DIP2C: variants seen among roughly 807,000 people sequenced by gnomAD.
DIP2C encodes the protein DIP2 acetate--CoA ligase C (putative).
DIP2C carries 33 observed loss-of-function variants against 192.4 expected under a neutral mutation model. That is an observed-to-expected ratio of 0.17 (90% confidence interval 0.13 to 0.23). The LOEUF is 0.23. Among genes scored for constraint, DIP2C ranks in the 10% least tolerant of loss-of-function variants. The pLI is 1.00. For synonymous variants in DIP2C, 979 were observed against 864.1 expected (o/e 1.13, Z -2.33); for missense variants, 1,537 against 2,110.1 (o/e 0.73, Z 5.32).
chr10:533,531 G>T (rs889954349), intron 1 of DIP2C, among the ~76,000 whole-genome samples: 1 of 151,840 alleles, frequency 6.6e-6, no homozygotes. Context: ...GTGCCAGTGT[G>T]TTCAGGAGTG....
chr10:464,264 T>G (rs547289450), intron 3 of DIP2C, among the ~76,000 whole-genome samples: 1 of 151,962 alleles, frequency 6.6e-6, no homozygotes, highest in African/African-American at 2.4e-5. Flanking sequence ...AGGGCTAATA[T>G]CCAGCATCTA....
chr10:666,234 G>C lies in DIP2C; in HGVS notation c.85+23260C>G, dbSNP rs904512993. 6.6e-6 allele frequency: 1 copy of C among 152,196 alleles called. No individual in the cohort carries two copies. The highest frequency in any genetic ancestry group is 1.5e-5 in the Non-Finnish European group (1 of 68,050). 9.4% of individuals were successfully genotyped at this position (152,196 alleles called of 1,614,324 possible). Reference sequence around the variant, plus strand: ...TTCCTTCAGCACCTACCGGGAAAGCGAGAAGAAAGCAAAGGGCATCACTCC... The same window carrying C: ...TTCCTTCAGCACCTACCGGGAAAGCCAGAAGAAAGCAAAGGGCATCACTCC... On this transcript the variant is annotated intron_variant, in intron 1 of 36. Transcript: ENST00000280886. This position sits in a 1 kb window ranked among gnomAD's most constrained non-coding sequence, Gnocchi z 4.1.
chr10:312,832 T>C (rs1956621338), intron 31 of DIP2C, among the ~76,000 whole-genome samples: 1 of 152,230 alleles, frequency 6.6e-6, no homozygotes, highest in African/African-American at 2.4e-5. Context: ...ATAATTTCTT[T>C]CCTTCATGAT....
intron 29 of DIP2C, among the ~76,000 whole-genome samples, chr10:332,525 T>A (rs1354701990): frequency 1.3e-5 from 2 of 152,190 alleles, no homozygotes; most frequent in African/African-American, 2.4e-5. Flanking sequence ...TTAATTGCTG[T>A]ATTAGCCAAA....
At position 408,142 on chromosome 10, in the gene DIP2C, C is replaced by T. The variant is rs1007668606; in HGVS notation, c.1149+784G>A. ...TTGCATATGATGTTAGGTAAACATC[C>T]GCCTTCATTCTCTTGCAGGTGGATG... On this transcript the variant is annotated intron_variant, in intron 9 of 36. Coordinates refer to ENST00000280886, the MANE Select transcript of DIP2C (RefSeq NM_014974.3). Among the ~76,000 whole-genome samples, 11 of 150,468 alleles carry T rather than the reference C, an allele frequency of 7.3e-5. 1 individual carries two copies. The East Asian group carries it at 9.9e-4, about 14-fold the overall frequency.
chr10:291,153 T>C (rs533885875), intron 32 of DIP2C, among the ~76,000 whole-genome samples: 8 of 152,340 alleles, frequency 5.3e-5, no homozygotes, highest in African/African-American at 1.7e-4. Flanking sequence ...AGGTGTGTGC[T>C]GGCCAGTGCC....
chr10:597,688 CTACT>C (rs1443501606), intron 1 of DIP2C, among the ~76,000 whole-genome samples: 3 of 152,152 alleles, frequency 2.0e-5, no homozygotes, highest in African/African-American at 7.2e-5. Flanking sequence ...AAAAGTAGGC[CTACT>C]AACAATTACG....
At chr10:281,134 C>G (rs1954799053) in intron 36 of DIP2C, 66 bp downstream of exon 36, 5 of 1,595,568 alleles carry the variant, frequency 3.1e-6, no homozygotes, top group Non-Finnish European at 4.3e-6. Flanking sequence ...GCCGTGCTCT[C>G]CACATTCTCA....
In DIP2C at chr10:412,782, A is replaced by C. The variant is rs563180281; in HGVS notation, c.1057+1131T>G. Among the ~76,000 whole-genome samples, 3 of 152,328 alleles carry C rather than the reference A, an allele frequency of 2.0e-5. No individual in the cohort carries two copies. The South Asian group carries it at 6.2e-4, about 32-fold the overall frequency. Reference sequence around the variant, plus strand: ...CAATTCCTTTCCTACCTGCAATCAGAAAAGTGTTGTAACAACAAAAGCTAA... The same window carrying C: ...CAATTCCTTTCCTACCTGCAATCAGCAAAGTGTTGTAACAACAAAAGCTAA... On this transcript the variant is annotated intron_variant, in intron 8 of 36. Coordinates refer to ENST00000280886, the MANE Select transcript of DIP2C (RefSeq NM_014974.3).
intron 4 of DIP2C, among the ~76,000 whole-genome samples, chr10:428,206 TAA>T (rs943270986): frequency 2.0e-5 from 3 of 151,758 alleles, no homozygotes; most frequent in Admixed American, 6.6e-5. Context: ...CATAAAATCA[TAA>T]AGTGTTCTAT....
chr10:591,943 T>TAC (rs1207233650), intron 1 of DIP2C, among the ~76,000 whole-genome samples: 2 of 152,306 alleles, frequency 1.3e-5, no homozygotes, highest in African/African-American at 4.8e-5. Context: ...CCATGTGCTT[T>TAC]ACATCTTGTC....
intron 1 of DIP2C, among the ~76,000 whole-genome samples, chr10:662,336 C>T (rs1256421822): frequency 6.6e-6 from 1 of 152,198 alleles, no homozygotes; most frequent in African/African-American, 2.4e-5. Flanking sequence ...GTGGCATTGC[C>T]AGATAACGCG....
intron 1 of DIP2C, among the ~76,000 whole-genome samples, chr10:504,390 C>T (rs118186097): frequency 0.028 from 4,234 of 152,304 alleles, 75 homozygotes; most frequent in Middle Eastern, 0.061. Context: ...TGGAACTATT[C>T]CAGGCACGAA....
At chr10:462,596 C>A (rs1308424758) in intron 3 of DIP2C, among the ~76,000 whole-genome samples, 1 of 152,172 alleles carries the variant, frequency 6.6e-6, no homozygotes, top group Non-Finnish European at 1.5e-5. Context: ...ACCAGAGGTA[C>A]AAAGAGGAGC....
At chr10:661,819 G>A (rs537506609) in intron 1 of DIP2C, among the ~76,000 whole-genome samples, 2 of 152,176 alleles carry the variant, frequency 1.3e-5, no homozygotes, top group Non-Finnish European at 2.9e-5. Flanking sequence ...CTCGCAGCTT[G>A]CGGTGGTGTC....
At chr10:331,708 C>T (rs1191736303) in intron 29 of DIP2C, among the ~76,000 whole-genome samples, 1 of 152,070 alleles carries the variant, frequency 6.6e-6, no homozygotes, top group African/African-American at 2.4e-5. Flanking sequence ...TGCAGTGGTC[C>T]CGGAACCTAT....
At chr10:655,562 T>C (rs1419650738) in intron 1 of DIP2C, among the ~76,000 whole-genome samples, 1 of 152,158 alleles carries the variant, frequency 6.6e-6, no homozygotes, top group Admixed American at 6.5e-5. Flanking sequence ...TGCTATGTAA[T>C]AGTCACTGTC....
intron 1 of DIP2C, among the ~76,000 whole-genome samples, chr10:535,617 C>T (rs941398592): frequency 4.0e-4 from 61 of 152,306 alleles, no homozygotes; most frequent in African/African-American, 1.3e-3. Context: ...ATCCCACACT[C>T]GTCACTGCTG....
intron 3 of DIP2C, among the ~76,000 whole-genome samples, chr10:443,056 G>A (rs76910618): frequency 0.016 from 2,463 of 152,288 alleles, 74 homozygotes; most frequent in African/African-American, 0.056. Flanking sequence ...CAGGGATACC[G>A]CAGAAGTCTG....
Sources: allele counts gnomAD v4.1 joint callset (sites outside exome capture counted in the v4.1 genomes callset), GRCh38; gene constraint gnomAD v4.1.1; non-coding constraint Gnocchi (gnomAD v3.1); transcripts MANE v1.5; gene names NCBI Gene and HGNC (gene_info 2026-07-23, HGNC 2026-07-21).